The following BBX variants were observed in gnomAD, a reference collection of about 807,000 sequenced individuals.
The protein encoded by BBX is HMG box transcription factor BBX.
In BBX, 30 loss-of-function variants were observed where a neutral mutation model predicts 100.2. That is an observed-to-expected ratio of 0.30 (90% CI 0.22 to 0.41). The LOEUF (loss-of-function observed/expected upper bound fraction) is 0.41. Ranked by LOEUF, BBX falls within the 10% of genes least tolerant of loss-of-function variation. The pLI, the probability that BBX is intolerant of heterozygous loss-of-function variation, is 1.00. For synonymous variants in BBX, 376 were observed against 388.1 expected (o/e 0.97, Z 0.37); for missense variants, 1,023 against 1,129.8 (o/e 0.91, Z 1.35).
intron 2 of BBX, among the ~76,000 whole-genome samples, chr3:107,613,372 T>G (rs1449153436): frequency 6.7e-6 from 1 of 148,556 alleles, no homozygotes; most frequent in African/African-American, 2.5e-5. Flanking sequence ...ATTTCTTTTA[T>G]CTCGTATCCT....
chr3:107,718,323 T>G (rs1394801998), intron 5 of BBX, among the ~76,000 whole-genome samples: 1 of 148,682 alleles, frequency 6.7e-6, no homozygotes, highest in Non-Finnish European at 1.5e-5. Flanking sequence ...AATTATATAA[T>G]TAATCATACA....
At chr3:107,721,117 T>C (rs1047036224) in intron 5 of BBX, among the ~76,000 whole-genome samples, 1 of 152,072 alleles carries the variant, frequency 6.6e-6, no homozygotes, top group Non-Finnish European at 1.5e-5. Flanking sequence ...ACTCTTCTTT[T>C]AAAAACTTTT....
intron 13 of BBX, among the ~76,000 whole-genome samples, chr3:107,787,676 A>T (rs941184023): frequency 5.3e-5 from 8 of 152,214 alleles, no homozygotes; most frequent in Admixed American, 4.6e-4. Flanking sequence ...ATCAGTTAAA[A>T]CAATAGGTTT....
At chr3:107,570,155 C>T (rs922655741) in intron 2 of BBX, among the ~76,000 whole-genome samples, 2 of 152,190 alleles carry the variant, frequency 1.3e-5, no homozygotes, top group Non-Finnish European at 2.9e-5. Flanking sequence ...GCGGTTCAGG[C>T]GTTATGAAGT....
chr3:107,660,180 A>T (rs1462612259), intron 3 of BBX, among the ~76,000 whole-genome samples: 2 of 152,162 alleles, frequency 1.3e-5, no homozygotes, highest in African/African-American at 4.8e-5. Flanking sequence ...CAGACTCTGA[A>T]ATAATATAAT....
intron 3 of BBX, among the ~76,000 whole-genome samples, chr3:107,694,705 C>T (rs1313471559): frequency 6.6e-6 from 1 of 151,250 alleles, no homozygotes; most frequent in Admixed American, 6.6e-5. Flanking sequence ...TGATGCTGGC[C>T]TCATAAAATG....
At chr3:107,558,949 A>G (rs1221707232) in intron 2 of BBX, among the ~76,000 whole-genome samples, 1 of 152,178 alleles carries the variant, frequency 6.6e-6, no homozygotes, top group Non-Finnish European at 1.5e-5. Flanking sequence ...ATGTCATTTG[A>G]TTTTGCTTTG....
At chr3:107,697,474 G>T (rs1432680945) in intron 3 of BBX, among the ~76,000 whole-genome samples, 1 of 151,884 alleles carries the variant, frequency 6.6e-6, no homozygotes, top group African/African-American at 2.4e-5. Flanking sequence ...GTGTCAGTCT[G>T]CCCCTGCTGG....
intron 8 of BBX, among the ~76,000 whole-genome samples, chr3:107,746,320 A>G (rs1382470226): frequency 1.3e-5 from 2 of 152,180 alleles, no homozygotes; most frequent in East Asian, 3.9e-4. Context: ...CTCTGGGTTC[A>G]TTTTTGCATT....
chr3:107,728,832 A>G lies in BBX; in HGVS notation c.473A>G (p.Lys158Arg). Residue 158 changes from lysine to arginine, a missense_variant, in exon 6 of 18, where the codon AAA (lysine) becomes AGA (arginine). Transcript: ENST00000325805. ...KWCPTTNKPV[K>R]SPTPTVNPRK... Reference sequence around the variant, plus strand: ...TGTCCTACCACAAACAAGCCTGTGAAATCCCCAACACCCACTGTCAATCCA... The same window carrying G: ...TGTCCTACCACAAACAAGCCTGTGAGATCCCCAACACCCACTGTCAATCCA... 1 of 1,613,924 alleles carries G rather than the reference A, an allele frequency of 6.2e-7. No individual in the cohort carries two copies. Among genetic ancestry groups the G allele is most frequent in the Non-Finnish European group, 8.5e-7 (1 of 1,179,858 alleles).
intron 13 of BBX, among the ~76,000 whole-genome samples, chr3:107,782,492 C>T (rs1012336891): frequency 1.3e-5 from 2 of 152,102 alleles, no homozygotes; most frequent in Admixed American, 6.6e-5. Context: ...TTGTTTCTCA[C>T]AACAGGTGTA....
chr3:107,611,837 A>C (rs990074194), intron 2 of BBX, among the ~76,000 whole-genome samples: 1 of 151,370 alleles, frequency 6.6e-6, no homozygotes, highest in Non-Finnish European at 1.5e-5. Context: ...CTCTCTTTCT[A>C]CCTCCTCTTT....
rs2108081049 is a variant in BBX at position 107,806,986 on chromosome 3, A to G, written c.*1529A>G. The G allele has an allele frequency of 2.0e-5, 3 of 152,350 alleles. No homozygotes were observed. 9.4% of individuals were successfully genotyped at this position (152,350 alleles called of 1,614,324 possible). ...TTAGATCTCTAAATGGTGACAGTTT[A>G]CATGGTTTTATCTAGCTTTCTTATT... On this transcript the variant is annotated 3_prime_UTR_variant, in exon 18 of 18. Transcript: ENST00000325805.
At chr3:107,603,764 G>A (rs928172080) in intron 2 of BBX, among the ~76,000 whole-genome samples, 1 of 152,090 alleles carries the variant, frequency 6.6e-6, no homozygotes, top group African/African-American at 2.4e-5. Flanking sequence ...CATCAACATG[G>A]AGGCAAGACC....
intron 11 of BBX, among the ~76,000 whole-genome samples, chr3:107,774,308 C>G (rs2067143637): frequency 6.6e-6 from 1 of 152,150 alleles, no homozygotes; most frequent in African/African-American, 2.4e-5. Context: ...ATGTGTGAGT[C>G]CTAGGTCTAA....
At chr3:107,729,369 A>C (rs1190954232) in intron 6 of BBX, among the ~76,000 whole-genome samples, 1 of 152,156 alleles carries the variant, frequency 6.6e-6, no homozygotes, top group Non-Finnish European at 1.5e-5. Flanking sequence ...GGTGTTGGAA[A>C]CATTGAGGGC....
At chr3:107,694,852 G>A (rs1289354792) in intron 3 of BBX, among the ~76,000 whole-genome samples, 2 of 151,602 alleles carry the variant, frequency 1.3e-5, no homozygotes, top group Admixed American at 6.6e-5. Context: ...GTAAGCTATT[G>A]ATTATTGCCA....
intron 2 of BBX, among the ~76,000 whole-genome samples, chr3:107,614,858 G>A (rs753507860): frequency 6.6e-6 from 1 of 152,166 alleles, no homozygotes; most frequent in Non-Finnish European, 1.5e-5. Flanking sequence ...GCCCTGCAGG[G>A]AGAATATCAG....
Position 107,706,780 on chromosome 3 carries a change from T to C in BBX, c.-9-3672T>C, listed in dbSNP as rs370325549. On this transcript the variant is annotated intron_variant, in intron 3 of 17. Transcript: ENST00000325805. Reference sequence around the variant, plus strand: ...AATGACAAGATTAGTCCTCTGTCACTTCAAAAATTAACAATTTTACCTCCT... The same window carrying C: ...AATGACAAGATTAGTCCTCTGTCACCTCAAAAATTAACAATTTTACCTCCT... Among the ~76,000 whole-genome samples the C allele has an allele frequency of 1.4e-3, 219 of 152,320 alleles. 9 individuals carry two copies. The South Asian group carries it at 0.045, about 31-fold the overall frequency.
Sources: gnomAD v4.1 joint callset for allele counts (sites outside exome capture counted in the v4.1 genomes callset) on GRCh38, gnomAD v4.1.1 for gene constraint, MANE v1.5 for transcripts, NCBI Gene and HGNC (gene_info 2026-07-23, HGNC 2026-07-21) for gene names.